The following NCOA1 variants were observed in gnomAD, a reference collection of about 807,000 sequenced individuals.
NCOA1 encodes Hin-2 protein.
NCOA1 carries 35 observed loss-of-function variants against 150.9 expected under a neutral mutation model. That is an observed-to-expected ratio of 0.23 (90% confidence interval 0.18 to 0.31). The LOEUF (loss-of-function observed/expected upper bound fraction) is 0.31. Among genes scored for constraint, NCOA1 ranks in the 10% least tolerant of loss-of-function variants. The pLI is 1.00. For missense variants in NCOA1, 1,491 were observed against 1,749.3 expected (o/e 0.85, Z 2.63); for synonymous variants, 590 against 630.0 (o/e 0.94, Z 0.95).
chr2:24,628,967 G>GT (rs979855993), intron 3 of NCOA1, among the ~76,000 whole-genome samples: 145 of 152,270 alleles, frequency 9.5e-4, no homozygotes, highest in African/African-American at 3.4e-3. Context: ...TTGTGTGTGT[G>GT]CAGGGGAATA....
At chr2:24,528,454 C>G (rs1572385727) in intron 1 of NCOA1, among the ~76,000 whole-genome samples, 1 of 151,104 alleles carries the variant, frequency 6.6e-6, no homozygotes, top group South Asian at 2.1e-4. Context: ...TCAAGTGATC[C>G]TCTCACCATA....
chr2:24,687,297 G>C (rs1672450133), intron 8 of NCOA1, among the ~76,000 whole-genome samples: 1 of 151,894 alleles, frequency 6.6e-6, no homozygotes, highest in African/African-American at 2.4e-5. Context: ...AACTGTCCCT[G>C]ATAACCGAAT....
chr2:24,695,635 A>G (rs1672865438), intron 10 of NCOA1, among the ~76,000 whole-genome samples: 1 of 152,208 alleles, frequency 6.6e-6, no homozygotes, highest in Non-Finnish European at 1.5e-5. Context: ...TTAACTCTTC[A>G]TGGGATGATC....
intron 1 of NCOA1, among the ~76,000 whole-genome samples, chr2:24,549,351 C>T (rs1297702330): frequency 1.3e-5 from 2 of 152,126 alleles, no homozygotes; most frequent in African/African-American, 4.8e-5. Context: ...GCCCGCAAAA[C>T]CATTTTTTCC....
intron 2 of NCOA1, among the ~76,000 whole-genome samples, chr2:24,577,555 C>T (rs1000536294): frequency 1.3e-5 from 2 of 152,150 alleles, no homozygotes; most frequent in African/African-American, 4.8e-5. Flanking sequence ...AATTTTGAGT[C>T]ATATGGAAAT....
chr2:24,595,474 A>T (rs1449676546), intron 3 of NCOA1, among the ~76,000 whole-genome samples: 1 of 152,112 alleles, frequency 6.6e-6, no homozygotes, highest in African/African-American at 2.4e-5. Flanking sequence ...CATCACCTAA[A>T]CAAGGTTAAA....
intron 3 of NCOA1, among the ~76,000 whole-genome samples, chr2:24,614,276 TGATC>T (rs1418439057): frequency 7.2e-6 from 1 of 138,832 alleles, no homozygotes; most frequent in Non-Finnish European, 1.5e-5. Flanking sequence ...TACAGTGGTG[TGATC>T]ACAGCTGACT....
chr2:24,698,549 T>C (rs954041212), intron 11 of NCOA1, among the ~76,000 whole-genome samples: 1 of 152,176 alleles, frequency 6.6e-6, no homozygotes, highest in Non-Finnish European at 1.5e-5. Context: ...GGAAAAGTTA[T>C]TTGAGAATTA....
At chr2:24,593,480 A>C (rs1558821600) in intron 3 of NCOA1, among the ~76,000 whole-genome samples, 2 of 152,132 alleles carry the variant, frequency 1.3e-5, no homozygotes, top group Non-Finnish European at 2.9e-5. Context: ...GGAAACTCCA[A>C]ATGTAAACAT....
intron 3 of NCOA1, among the ~76,000 whole-genome samples, chr2:24,590,405 GTTATT>G (rs922765232): frequency 4.6e-5 from 7 of 151,960 alleles, no homozygotes; most frequent in African/African-American, 1.7e-4. Context: ...ACATATTATA[GTTATT>G]TGATTTGTAT....
chr2:24,577,427 A>G (rs1228281558), intron 2 of NCOA1, among the ~76,000 whole-genome samples: 1 of 152,218 alleles, frequency 6.6e-6, no homozygotes, highest in Admixed American at 6.5e-5. Flanking sequence ...TATAACTTCT[A>G]CCTCATCTTT....
chr2:24,696,918 G>C (rs1414841651), intron 10 of NCOA1, among the ~76,000 whole-genome samples: 1 of 151,650 alleles, frequency 6.6e-6, no homozygotes, highest in African/African-American at 2.4e-5. Context: ...TATTTTGTGT[G>C]ACTGTAAGAT....
chr2:24,758,921 G>A (rs969591353), intron 21 of NCOA1, among the ~76,000 whole-genome samples: 3 of 152,042 alleles, frequency 2.0e-5, no homozygotes, highest in African/African-American at 7.2e-5. Flanking sequence ...CCAGGAGTTG[G>A]AGGTTGCAGT....
At chr2:24,553,678 G>C (rs970643030) in intron 1 of NCOA1, among the ~76,000 whole-genome samples, 9 of 152,096 alleles carry the variant, frequency 5.9e-5, no homozygotes, top group African/African-American at 2.2e-4. Context: ...TCAGTATATT[G>C]GCTAGATTCA....
intron 19 of NCOA1, among the ~76,000 whole-genome samples, chr2:24,751,445 C>T (rs1418942999): frequency 6.6e-6 from 1 of 151,596 alleles, no homozygotes; most frequent in Non-Finnish European, 1.5e-5. Flanking sequence ...TAGCCAGGCC[C>T]AGTGGCAGGC....
intron 1 of NCOA1, among the ~76,000 whole-genome samples, chr2:24,532,276 A>G (rs1664932952): frequency 1.3e-5 from 2 of 152,124 alleles, no homozygotes; most frequent in Admixed American, 6.5e-5. Context: ...GTCTGTTCAT[A>G]TCCTTTGCCC....
At chr2:24,669,691 A>T (rs180698095) in intron 6 of NCOA1, among the ~76,000 whole-genome samples, 1 of 152,368 alleles carries the variant, frequency 6.6e-6, no homozygotes, top group Non-Finnish European at 1.5e-5. Flanking sequence ...AACATAATTT[A>T]AAAATAAAGA....
chr2:24,646,064 A>G (rs1311953643), intron 4 of NCOA1, among the ~76,000 whole-genome samples: 1 of 152,098 alleles, frequency 6.6e-6, no homozygotes, highest in East Asian at 1.9e-4. Flanking sequence ...GTCTTTCCTC[A>G]TTGTTCAGTG....
At chr2:24,585,947 T>C (rs906541723) in intron 3 of NCOA1, among the ~76,000 whole-genome samples, 38 of 152,288 alleles carry the variant, frequency 2.5e-4, no homozygotes, top group African/African-American at 8.2e-4. Flanking sequence ...AGTAAACATA[T>C]GAAGGATTTT....
Sources: allele counts gnomAD v4.1 joint callset (sites outside exome capture counted in the v4.1 genomes callset), GRCh38; gene constraint gnomAD v4.1.1; transcripts MANE v1.5; gene names NCBI Gene and HGNC (gene_info 2026-07-23, HGNC 2026-07-21).